The following ZNF549 variants were observed in gnomAD, a reference collection of about 807,000 sequenced individuals.
The protein encoded by ZNF549 is zinc finger protein 549.
A neutral mutation model predicts 11.1 loss-of-function variants in ZNF549; 11 were observed. That is an observed-to-expected ratio of 0.99 (90% CI 0.62 to 1.64). The LOEUF is 1.64. ZNF549 is among the 40% of genes most tolerant of loss of function. The probability of loss-of-function intolerance (pLI) is 0.00; values close to 1 mark genes in which losing one functional copy is unlikely to be tolerated. For missense variants in ZNF549, 748 were observed against 765.1 expected (o/e 0.98, Z 0.26); for synonymous variants, 266 against 269.1 (o/e 0.99, Z 0.11).
chr19:57,532,900 T>G (rs1397384101), intron 2 of ZNF549, among the ~76,000 whole-genome samples: 1 of 152,230 alleles, frequency 6.6e-6, no homozygotes, highest in African/African-American at 2.4e-5. Flanking sequence ...TCATATAGTT[T>G]GATGCTCTGT....
chr19:57,531,097 A>G lies in ZNF549; in HGVS notation c.61A>G (p.Lys21Glu). 1 of 1,598,376 alleles carries G rather than the reference A, an allele frequency of 6.3e-7. No homozygotes were observed. The highest frequency in any genetic ancestry group is 8.5e-7 in the Non-Finnish European group (1 of 1,179,802). ...TCCCATGGTAACAGAAGAGTTTGTGAAACCATCACAGGTAAGTGGAAGAAG... is the reference window on the plus strand; with the variant it reads ...TCCCATGGTAACAGAAGAGTTTGTGGAACCATCACAGGTAAGTGGAAGAAG... ...QIPMVTEEFV[K>E]PSQGHVTFED... The change falls in exon 2 of 4, where the codon AAA becomes GAA. Residue 21 changes from lysine to glutamate, a missense_variant. Transcript: ENST00000376233.
At chr19:57,532,675 C>T (rs975700301) in intron 2 of ZNF549, among the ~76,000 whole-genome samples, 3 of 152,056 alleles carry the variant, frequency 2.0e-5, no homozygotes, top group Admixed American at 1.3e-4. Flanking sequence ...TTGAATATTC[C>T]GTGTGAGCTT....
chr19:57,537,925 C>T lies in ZNF549; in HGVS notation c.921C>T (p.Ile307=), dbSNP rs143304823. 5.2e-5 allele frequency: 84 copies of T among 1,613,110 alleles called. No individual in the cohort carries two copies. The highest frequency in any genetic ancestry group is 6.2e-5 in the Non-Finnish European group (73 of 1,179,804). ...CTAGAGAAAGGTCTTATGTGTGCATCGAATGTGGGAAATCCTTGAGCTCCA... is the reference window on the plus strand; with the variant it reads ...CTAGAGAAAGGTCTTATGTGTGCATTGAATGTGGGAAATCCTTGAGCTCCA... ...IHTRERSYVC[I]ECGKSLSSKY... The change falls in exon 4 of 4, where the codon ATC becomes ATT. Residue 307 remains isoleucine, a synonymous_variant. Coordinates refer to ENST00000376233, the MANE Select transcript of ZNF549 (RefSeq NM_001199295.2).
intron 2 of ZNF549, among the ~76,000 whole-genome samples, chr19:57,532,123 GGGA>G (rs2089906745): frequency 6.6e-6 from 1 of 152,042 alleles, no homozygotes; most frequent in Non-Finnish European, 1.5e-5. Context: ...CAGGTATTTT[GGGA>G]TTTGCCAGCT....
At chr19:57,530,847 A>G (rs1377094218) in intron 1 of ZNF549, among the ~76,000 whole-genome samples, 2 of 152,032 alleles carry the variant, frequency 1.3e-5, no homozygotes, top group African/African-American at 2.4e-5. Context: ...TCTTAATGCA[A>G]TAGTCAGTAC....
Position 57,539,117 on chromosome 19 carries a change from AAC to A in ZNF549, c.*192_*193del, listed in dbSNP as rs1002906908. The A allele has an allele frequency of 3.2e-6, 2 of 620,840 alleles. No individual in the cohort carries two copies. Among genetic ancestry groups the A allele is most frequent in the African/African-American group, 3.7e-5 (2 of 54,312 alleles). 38.5% of individuals were successfully genotyped at this position (620,840 alleles called of 1,614,324 possible). A position where few individuals can be genotyped will look rare whatever the true frequency, so the allele number is the denominator to read the frequency against. ...TACTTTCTAATCTGCCCAGTGTTAC[AAC>A]AGACACTACCATGTGGCATATCCTC... is the stretch of plus-strand genomic sequence containing the variant. On this transcript the variant is annotated 3_prime_UTR_variant, in exon 4 of 4. Coordinates refer to ENST00000376233, the MANE Select transcript of ZNF549 (RefSeq NM_001199295.2).
rs534903585 is a variant in ZNF549 at position 57,538,818 on chromosome 19, G to A, written c.1814G>A (p.Arg605Gln). 72 of 1,614,120 alleles carry A rather than the reference G, an allele frequency of 4.5e-5. No homozygotes were observed. The highest frequency in any genetic ancestry group is 5.3e-5 in the African/African-American group (4 of 75,040). Residue 605 changes from arginine (R) to glutamine (Q), a missense_variant, in exon 4 of 4, where the codon CGA becomes CAA. Transcript: ENST00000376233. ...AAAAACAAACTTGTTGAGCATCAGCGAATCCACACCGGAGAAAAGCCGTAT... is the reference window on the plus strand; with the variant it reads ...AAAAACAAACTTGTTGAGCATCAGCAAATCCACACCGGAGAAAAGCCGTAT... ...IYKNKLVEHQ[R>Q]IHTGEKPYEC... is the part of the protein sequence containing the mutation.
Position 57,527,542 on chromosome 19 carries a change from G to T in ZNF549, c.-32G>T. ...CGCCGGATCCCGGGCTTTACCGCCCGCCTTTCCAGGCCCCGCCCCGCCTAA... is the reference window on the plus strand; with the variant it reads ...CGCCGGATCCCGGGCTTTACCGCCCTCCTTTCCAGGCCCCGCCCCGCCTAA... On this transcript the variant is annotated 5_prime_UTR_variant, in exon 1 of 4. Transcript: ENST00000376233. 6.2e-7 allele frequency: 1 copy of T among 1,612,860 alleles called. No individual in the cohort carries two copies. Among genetic ancestry groups the T allele is most frequent in the East Asian group, 2.2e-5 (1 of 44,838 alleles).
rs765823150 is a variant in ZNF549 at position 57,535,274 on chromosome 19, A to G, written c.199+4A>G. The G allele has an allele frequency of 1.9e-6, 3 of 1,613,258 alleles. No individual in the cohort carries two copies. Among genetic ancestry groups the G allele is most frequent in the South Asian group, 1.1e-5 (1 of 91,042 alleles). On this transcript the variant is annotated splice_donor_region_variant and intron_variant, in intron 3 of 3. Coordinates refer to ENST00000376233, the MANE Select transcript of ZNF549 (RefSeq NM_001199295.2). ...TTTTCGCTTATGGCCTCAGTAGGTA[A>G]GATCTCTTAAAACCACACCATCAAC...
In ZNF549 at chr19:57,538,217, C is replaced by G; in HGVS notation, c.1213C>G (p.Leu405Val). 2 of 1,613,932 alleles carry G rather than the reference C, an allele frequency of 1.2e-6. No individual in the cohort carries two copies. Among genetic ancestry groups the G allele is most frequent in the Non-Finnish European group, 8.5e-7 (1 of 1,180,002 alleles). Residue 405 changes from leucine (L) to valine (V), a missense_variant, in exon 4 of 4, where the codon CTT becomes GTT. Leu to Val is a conservative substitution (Grantham distance 32, BLOSUM62 1). Coordinates refer to ENST00000376233, the MANE Select transcript of ZNF549 (RefSeq NM_001199295.2). ...GKSFIYKQSL[L>V]DHHRIHTGER... ...ATCCTTCATATACAAACAGTCACTT[C>G]TTGATCACCATAGAATCCACACGGG...
At position 57,540,757 on chromosome 19, in the gene ZNF549, A is replaced by AAAAAAC. The variant is rs1028194762; in HGVS notation, c.*1848_*1853dup. ...CCTGGGCGACAGAGTGACACTTCTC[A>AAAAAAC]AAAAACAAAAACAAAAACAAAAAGA... On this transcript the variant is annotated 3_prime_UTR_variant, in exon 4 of 4. Coordinates refer to ENST00000376233, the MANE Select transcript of ZNF549 (RefSeq NM_001199295.2). The AAAAAAC allele has an allele frequency of 2.0e-5, 3 of 151,168 alleles. No individual in the cohort carries two copies. Among genetic ancestry groups the AAAAAAC allele is most frequent in the African/African-American group, 7.3e-5 (3 of 41,084 alleles). 9.4% of individuals were successfully genotyped at this position (151,168 alleles called of 1,614,324 possible). A position where few individuals can be genotyped will look rare whatever the true frequency, so the allele number is the denominator to read the frequency against.
chr19:57,529,506 C>T (rs2089894243), intron 1 of ZNF549, among the ~76,000 whole-genome samples: 3 of 152,168 alleles, frequency 2.0e-5, no homozygotes, highest in Admixed American at 6.5e-5. Flanking sequence ...AATGTGGTAT[C>T]TCTCTAAATA....
chr19:57,537,208 T>C lies in ZNF549; in HGVS notation c.204T>C (p.Cys68=). Residue 68 remains cysteine (C), a synonymous_variant, in exon 4 of 4, where the codon TGT becomes TGC. Transcript: ENST00000376233. ...ENFSLMASVG[C]LHGIEAEEAP... ...CTTGCATTTTTATGCTTTTAGGTTG[T>C]TTGCATGGAATAGAGGCTGAGGAGG... 1.2e-6 allele frequency: 2 copies of C among 1,608,992 alleles called. No homozygotes were observed. Among genetic ancestry groups the C allele is most frequent in the Non-Finnish European group, 1.7e-6 (2 of 1,177,186 alleles).
At position 57,538,282 on chromosome 19, in the gene ZNF549, C is replaced by T; in HGVS notation, c.1278C>T (p.Phe426=). The change falls in exon 4 of 4, where the codon TTC becomes TTT. Residue 426 remains phenylalanine, a synonymous_variant. Coordinates refer to ENST00000376233, the MANE Select transcript of ZNF549 (RefSeq NM_001199295.2). ...PYECKECGKA[F]IHKKRLLEHQ... ...AGTGCAAAGAATGTGGGAAGGCCTT[C>T]ATTCACAAAAAAAGACTTCTTGAGC... is the stretch of plus-strand genomic sequence containing the variant. The T allele has an allele frequency of 6.2e-7, 1 of 1,613,540 alleles. No homozygotes were observed.
chr19:57,533,766 C>T (rs1398155639), intron 2 of ZNF549, among the ~76,000 whole-genome samples: 5 of 152,240 alleles, frequency 3.3e-5, no homozygotes, highest in Admixed American at 6.5e-5. Context: ...TGTATGCCCT[C>T]GTTTGTCTCT....
At chr19:57,534,011 G>A (rs191983275) in intron 2 of ZNF549, among the ~76,000 whole-genome samples, 44 of 152,310 alleles carry the variant, frequency 2.9e-4, no homozygotes, top group African/African-American at 9.9e-4. Context: ...AGACAGACAC[G>A]TGGAGTTCAG....
intron 2 of ZNF549, among the ~76,000 whole-genome samples, chr19:57,532,904 G>A (rs2089909869): frequency 6.6e-6 from 1 of 152,182 alleles, no homozygotes; most frequent in African/African-American, 2.4e-5. Context: ...ATAGTTTGAT[G>A]CTCTGTGGTC....
At chr19:57,530,954 A>T in intron 1 of ZNF549, 116 bp from the exon 2 acceptor site, 1 of 928,478 alleles carries the variant, frequency 1.1e-6, no homozygotes, top group South Asian at 1.5e-5. Flanking sequence ...TTACAGATGA[A>T]GGCAACCTCA....
chr19:57,531,174 A>T, intron 2 of ZNF549, 66 bp downstream of exon 2: 1 of 1,539,920 alleles, frequency 6.5e-7, no homozygotes, highest in East Asian at 2.2e-5. Flanking sequence ...TGGCCCACAG[A>T]TGCAGGTAAC....
Sources: allele counts gnomAD v4.1 joint callset (sites outside exome capture counted in the v4.1 genomes callset), GRCh38; gene constraint gnomAD v4.1.1; transcripts MANE v1.5; gene names NCBI Gene and HGNC (gene_info 2026-07-23, HGNC 2026-07-21).